The following TSPAN18 variants were observed in gnomAD, a reference collection of about 807,000 sequenced individuals.
TSPAN18 encodes the protein tetraspanin 18.
In TSPAN18, 14 loss-of-function variants were observed where a neutral mutation model predicts 27.3. The ratio of observed to expected loss-of-function variants is 0.51; its 90% CI spans 0.34 to 0.80. The LOEUF is 0.80. Among genes scored for constraint, TSPAN18 ranks in the 30% least tolerant of loss-of-function variants. The probability of loss-of-function intolerance (pLI) is 0.01; values close to 1 mark genes in which losing one functional copy is unlikely to be tolerated. For missense variants in TSPAN18, 268 were observed against 323.9 expected (o/e 0.83, Z 1.32); for synonymous variants, 143 against 136.5 (o/e 1.05, Z -0.33).
chr11:44,813,641 T>C (rs1856765095), intron 2 of TSPAN18, among the ~76,000 whole-genome samples: 1 of 152,184 alleles, frequency 6.6e-6, no homozygotes, highest in South Asian at 2.1e-4. Context: ...ACACTTGGTC[T>C]CTCTGAATGA....
intron 2 of TSPAN18, among the ~76,000 whole-genome samples, chr11:44,815,734 A>G (rs189850142): frequency 6.6e-6 from 1 of 152,210 alleles, no homozygotes; most frequent in East Asian, 1.9e-4. Flanking sequence ...AGGAGTAGGG[A>G]GGGTGCGGGA....
intron 2 of TSPAN18, among the ~76,000 whole-genome samples, chr11:44,823,038 T>G (rs980879911): frequency 3.9e-5 from 6 of 152,186 alleles, no homozygotes; most frequent in African/African-American, 1.4e-4. Context: ...CAGCCCCCAG[T>G]GAATGTGAGC....
chr11:44,896,061 G>A (rs529752004), intron 3 of TSPAN18, among the ~76,000 whole-genome samples: 28 of 152,114 alleles, frequency 1.8e-4, no homozygotes, highest in African/African-American at 5.5e-4. Flanking sequence ...GCACTTCCCC[G>A]GCACATAGTA....
chr11:44,859,102 A>T (rs55739154), intron 2 of TSPAN18, among the ~76,000 whole-genome samples: 19,685 of 152,082 alleles, frequency 0.13, 1,433 homozygotes, highest in South Asian at 0.18. Flanking sequence ...GGAGATCCTT[A>T]GGCAAATGGG....
At chr11:44,923,535 C>T (rs1860226540) in intron 8 of TSPAN18, among the ~76,000 whole-genome samples, 1 of 152,094 alleles carries the variant, frequency 6.6e-6, no homozygotes, top group African/African-American at 2.4e-5. Flanking sequence ...AGGGCCTGGC[C>T]CATAGGAGGG....
In TSPAN18 at chr11:44,898,186, A is replaced by G. The variant is rs546822665; in HGVS notation, c.-10-8221A>G. Among the ~76,000 whole-genome samples, 39 of 152,196 alleles carry G rather than the reference A, an allele frequency of 2.6e-4. 1 individual carries two copies. Among genetic ancestry groups the G allele is most frequent in the Non-Finnish European group, 4.1e-4 (28 of 68,042 alleles). ...GCAGATGCATGCTCCCAAAATAAATAAGTAGCACATAGCGTATGTGCTGTA... is the reference window on the plus strand; with the variant it reads ...GCAGATGCATGCTCCCAAAATAAATGAGTAGCACATAGCGTATGTGCTGTA... On this transcript the variant is annotated intron_variant, in intron 3 of 9. Transcript: ENST00000520358.
chr11:44,920,828 G>A (rs893946429), intron 8 of TSPAN18, among the ~76,000 whole-genome samples: 2 of 152,210 alleles, frequency 1.3e-5, no homozygotes, highest in Admixed American at 1.3e-4. Context: ...CTGTTCCTGC[G>A]AGGCTCACGA....
chr11:44,853,691 T>C (rs755597941), intron 2 of TSPAN18, among the ~76,000 whole-genome samples: 5 of 152,168 alleles, frequency 3.3e-5, no homozygotes, highest in Non-Finnish European at 7.4e-5. Flanking sequence ...CCCCGCCCCA[T>C]GCACCTCTCC....
chr11:44,898,284 C>T (rs1354731206), intron 3 of TSPAN18, among the ~76,000 whole-genome samples: 2 of 152,218 alleles, frequency 1.3e-5, no homozygotes, highest in East Asian at 1.9e-4. Flanking sequence ...CTTGGCCAAG[C>T]TCCTTTTCCC....
At chr11:44,828,640 G>C (rs536288084) in intron 2 of TSPAN18, among the ~76,000 whole-genome samples, 9 of 152,280 alleles carry the variant, frequency 5.9e-5, no homozygotes, top group Non-Finnish European at 1.0e-4. Flanking sequence ...CTACACTCCA[G>C]ACCCCTGGTG....
chr11:44,925,961 C>T (rs1046579838), intron 8 of TSPAN18, among the ~76,000 whole-genome samples: 1 of 152,142 alleles, frequency 6.6e-6, no homozygotes, highest in Non-Finnish European at 1.5e-5. Context: ...CTCTATCTAT[C>T]TATCTCGATC....
chr11:44,803,940 C>A (rs1240092545), intron 2 of TSPAN18, among the ~76,000 whole-genome samples: 1 of 152,172 alleles, frequency 6.6e-6, no homozygotes, highest in Non-Finnish European at 1.5e-5. Flanking sequence ...TCTCTCAGCA[C>A]TTGGATGGAA....
chr11:44,842,980 A>G lies in TSPAN18; in HGVS notation c.-152-17348A>G, dbSNP rs527728672. 9.7e-4 allele frequency among the ~76,000 whole-genome samples: 148 copies of G among 152,028 alleles called. 1 individual carries two copies. The highest frequency in any genetic ancestry group is 1.7e-3 in the Non-Finnish European group (116 of 67,988). ...ACCATTCTGGCTTCTATCACCTTCAAGCAATTGTGCCTATTCTTGAACTTT... is the reference window on the plus strand; with the variant it reads ...ACCATTCTGGCTTCTATCACCTTCAGGCAATTGTGCCTATTCTTGAACTTT... On this transcript the variant is annotated intron_variant, in intron 2 of 9. Coordinates refer to ENST00000520358, the MANE Select transcript of TSPAN18 (RefSeq NM_130783.5).
chr11:44,790,235 T>C (rs1481392015), intron 2 of TSPAN18, among the ~76,000 whole-genome samples: 5 of 138,780 alleles, frequency 3.6e-5, no homozygotes, highest in African/African-American at 1.1e-4. Flanking sequence ...GTCCATGTGT[T>C]TGTGTGTGCC....
chr11:44,915,953 G>T (rs1051241051), intron 5 of TSPAN18, among the ~76,000 whole-genome samples: 1 of 152,198 alleles, frequency 6.6e-6, no homozygotes, highest in Non-Finnish European at 1.5e-5. Flanking sequence ...AGCCCATGGT[G>T]CATCTGAGGG....
intron 2 of TSPAN18, among the ~76,000 whole-genome samples, chr11:44,829,612 T>G (rs1386661607): frequency 6.6e-6 from 1 of 152,210 alleles, no homozygotes; most frequent in Non-Finnish European, 1.5e-5. Context: ...CTTCCAATTT[T>G]TTGGCAATCA....
At chr11:44,813,456 C>T (rs564551136) in intron 2 of TSPAN18, among the ~76,000 whole-genome samples, 4 of 152,154 alleles carry the variant, frequency 2.6e-5, no homozygotes, top group Non-Finnish European at 5.9e-5. Context: ...TTCAAGTGCT[C>T]AGCACACGGT....
At chr11:44,868,636 C>T (rs112365772) in intron 3 of TSPAN18, among the ~76,000 whole-genome samples, 98 of 152,330 alleles carry the variant, frequency 6.4e-4, no homozygotes, top group African/African-American at 2.1e-3. Context: ...GATCAGGGCT[C>T]TTGCTTGGAA....
chr11:44,811,083 A>C (rs1856702922), intron 2 of TSPAN18, among the ~76,000 whole-genome samples: 1 of 151,762 alleles, frequency 6.6e-6, no homozygotes, highest in Non-Finnish European at 1.5e-5. Flanking sequence ...CTACAAACAC[A>C]GTTGAAACTC....
Sources: allele counts gnomAD v4.1 joint callset (sites outside exome capture counted in the v4.1 genomes callset), GRCh38; gene constraint gnomAD v4.1.1; transcripts MANE v1.5; gene names NCBI Gene and HGNC (gene_info 2026-07-23, HGNC 2026-07-21).